Variants in SH3BGRL observed in about 807,000 individuals in gnomAD.
SH3BGRL encodes SH3 domain binding glutamate rich protein like, also known as adapter SH3BGRL.
A neutral mutation model predicts 9.8 loss-of-function variants in SH3BGRL; 7 were observed. That is an observed-to-expected ratio of 0.72 (90% CI 0.41 to 1.35). SH3BGRL has a LOEUF of 1.35. Among genes scored for constraint, SH3BGRL ranks in the 40% most tolerant of loss-of-function variants. SH3BGRL has a pLI of 0.01. For missense variants in SH3BGRL, 73 were observed against 84.4 expected, an observed-to-expected ratio of 0.86 and a Z score of 0.53; for synonymous variants, 36 against 29.1, an observed-to-expected ratio of 1.24 and a Z score of -0.76.
At chrX:81,266,392 G>A (rs759236520) in intron 1 of SH3BGRL, among the ~76,000 whole-genome samples, 13 of 111,280 alleles carry the variant, frequency 1.2e-4, no homozygotes, top group Admixed American at 3.8e-4. Flanking sequence ...GTAAGGAAGG[G>A]GTACAGTTTC....
intron 1 of SH3BGRL, among the ~76,000 whole-genome samples, chrX:81,222,444 T>C: frequency 9.2e-6 from 1 of 108,149 alleles, no homozygotes; most frequent in East Asian, 3.0e-4. Context: ...GTCCTTGCGA[T>C]AGTTTGCTGA....
At chrX:81,289,784 A>C (rs1342376951) in intron 3 of SH3BGRL, among the ~76,000 whole-genome samples, 1 of 111,524 alleles carries the variant, frequency 9.0e-6, no homozygotes, top group Non-Finnish European at 1.9e-5. Context: ...CTTCAACCCA[A>C]AAGGTGGAGG....
At chrX:81,221,225 A>G (rs961528477) in intron 1 of SH3BGRL, among the ~76,000 whole-genome samples, 2 of 111,818 alleles carry the variant, frequency 1.8e-5, no homozygotes, top group African/African-American at 6.5e-5. Flanking sequence ...TGAAGTCTCC[A>G]GCAATTATTG....
intron 1 of SH3BGRL, among the ~76,000 whole-genome samples, chrX:81,219,870 A>T (rs2075595078): frequency 9.0e-6 from 1 of 111,428 alleles, no homozygotes; most frequent in Admixed American, 9.5e-5. Flanking sequence ...CATCATCTGA[A>T]ATTATCATAT....
chrX:81,225,694 G>A (rs193190167), intron 1 of SH3BGRL, among the ~76,000 whole-genome samples: 6 of 110,919 alleles, frequency 5.4e-5, no homozygotes, highest in South Asian at 3.8e-4. Context: ...CTTGGCTATT[G>A]TGAATAACAC....
chrX:81,255,364 T>G (rs1170583214), intron 1 of SH3BGRL: 1 of 111,925 alleles, frequency 8.9e-6, no homozygotes, highest in Non-Finnish European at 1.9e-5. Flanking sequence ...ATGAAGTTAA[T>G]AAAGCATGCT....
chrX:81,208,193 C>T (rs1602591313), intron 1 of SH3BGRL, among the ~76,000 whole-genome samples: 1 of 110,591 alleles, frequency 9.0e-6, no homozygotes, highest in African/African-American at 3.3e-5. Context: ...ACCCGGAAGG[C>T]AGAGGTTGCA....
At chrX:81,220,807 T>C (rs1484737448) in intron 1 of SH3BGRL, among the ~76,000 whole-genome samples, 1 of 110,583 alleles carries the variant, frequency 9.0e-6, no homozygotes, top group Non-Finnish European at 1.9e-5. Context: ...TAGGTTTTGG[T>C]ATATCATATT....
intron 1 of SH3BGRL, among the ~76,000 whole-genome samples, chrX:81,240,157 T>G (rs1333594951): frequency 3.6e-5 from 4 of 112,363 alleles, no homozygotes; most frequent in Non-Finnish European, 7.5e-5. Context: ...GTAACACTCT[T>G]ATCCTGAGTA....
chrX:81,253,113 C>T (rs5959861), intron 1 of SH3BGRL, among the ~76,000 whole-genome samples: 1,704 of 112,004 alleles, frequency 0.015, 40 homozygotes, highest in African/African-American at 0.053. Context: ...TGAATAAATG[C>T]TTTGCAGCTT....
intron 1 of SH3BGRL, among the ~76,000 whole-genome samples, chrX:81,222,554 T>G (rs940996122): frequency 1.8e-5 from 2 of 111,084 alleles, no homozygotes; most frequent in African/African-American, 3.3e-5. Context: ...TGCCACATTT[T>G]CTTAATCCAG....
intron 1 of SH3BGRL, among the ~76,000 whole-genome samples, chrX:81,240,685 C>A (rs888348081): frequency 8.0e-5 from 9 of 112,621 alleles, no homozygotes; most frequent in African/African-American, 2.9e-4. Flanking sequence ...AACATAGAAA[C>A]AACAATCTGT....
chrX:81,238,802 G>C (rs1468418114), intron 1 of SH3BGRL, among the ~76,000 whole-genome samples: 1 of 108,978 alleles, frequency 9.2e-6, no homozygotes, highest in African/African-American at 3.4e-5. Context: ...CAGAGAGAGA[G>C]AGAGAGAGAG....
At chrX:81,295,096 G>A (rs1239819292) in intron 3 of SH3BGRL, among the ~76,000 whole-genome samples, 1 of 111,906 alleles carries the variant, frequency 8.9e-6, no homozygotes, top group African/African-American at 3.2e-5. Flanking sequence ...TGTTTCAGAT[G>A]AGACTTCAGA....
At chrX:81,213,976 A>C (rs1415630804) in intron 1 of SH3BGRL, among the ~76,000 whole-genome samples, 1 of 111,796 alleles carries the variant, frequency 8.9e-6, no homozygotes, top group Non-Finnish European at 1.9e-5. Context: ...ACTCACTAGG[A>C]AAAAGGAATT....
chrX:81,267,810 C>A (rs2147705245), intron 1 of SH3BGRL, among the ~76,000 whole-genome samples: 1 of 111,284 alleles, frequency 9.0e-6, no homozygotes, highest in Non-Finnish European at 1.9e-5. Context: ...CTCTTTGTAC[C>A]TCGAGTAGAA....
At chrX:81,263,458 TTGA>T (rs1246122626) in intron 1 of SH3BGRL, among the ~76,000 whole-genome samples, 1 of 111,916 alleles carries the variant, frequency 8.9e-6, no homozygotes, top group African/African-American at 3.2e-5. Flanking sequence ...GCATGTACGT[TTGA>T]TAAGACAAGA....
At chrX:81,272,788 C>T (rs770077210) in intron 1 of SH3BGRL, among the ~76,000 whole-genome samples, 6 of 111,397 alleles carry the variant, frequency 5.4e-5, no homozygotes, top group Admixed American at 3.8e-4. Context: ...CGTGAGCCAC[C>T]GCTCCTGGCC....
intron 1 of SH3BGRL, among the ~76,000 whole-genome samples, chrX:81,263,703 A>C (rs1351885424): frequency 9.0e-6 from 1 of 111,225 alleles, no homozygotes; most frequent in African/African-American, 3.3e-5. Context: ...AAAGAAATAC[A>C]TTGTAATTAG....
Sources: allele counts gnomAD v4.1 joint callset (sites outside exome capture counted in the v4.1 genomes callset), GRCh38; gene constraint gnomAD v4.1.1; transcripts MANE v1.5; gene names NCBI Gene and HGNC (gene_info 2026-07-23, HGNC 2026-07-21).